The following CSMD1 variants were observed in gnomAD, a reference collection of about 807,000 sequenced individuals.
CSMD1 encodes the protein CUB and sushi domain-containing protein 1.
In CSMD1, 213 loss-of-function variants were observed where a neutral mutation model predicts 417.5. The ratio of observed to expected loss-of-function variants is 0.51; its 90% CI spans 0.46 to 0.57. CSMD1 has a LOEUF of 0.57. Among genes scored for constraint, CSMD1 ranks in the 20% least tolerant of loss-of-function variants. CSMD1 has a pLI of 0.00. For synonymous variants in CSMD1, 2,862 were observed against 1,736.8 expected (o/e 1.65, Z -16.11); for missense variants, 6,923 against 4,529.7 (o/e 1.53, Z -15.17).
At chr8:3,652,065 C>G (rs544949866) in intron 7 of CSMD1, among the ~76,000 whole-genome samples, 21 of 150,980 alleles carry the variant, frequency 1.4e-4, no homozygotes, top group African/African-American at 4.9e-4. Context: ...ATCGCACTTA[C>G]CCCCATCAGA....
At chr8:4,208,116 A>C (rs1456980257) in intron 3 of CSMD1, among the ~76,000 whole-genome samples, 1 of 152,124 alleles carries the variant, frequency 6.6e-6, no homozygotes, top group Non-Finnish European at 1.5e-5. Flanking sequence ...GCAATTTCAT[A>C]CACATGATGA....
chr8:4,232,777 C>T (rs572636147), intron 3 of CSMD1, among the ~76,000 whole-genome samples: 4 of 152,102 alleles, frequency 2.6e-5, no homozygotes, highest in Non-Finnish European at 5.9e-5. Flanking sequence ...CCCTAATTGA[C>T]GTTTGGAAAT....
At chr8:4,577,706 C>T (rs1387322329) in intron 2 of CSMD1, among the ~76,000 whole-genome samples, 3 of 152,128 alleles carry the variant, frequency 2.0e-5, no homozygotes, top group African/African-American at 4.8e-5. Context: ...TTCAAAGTGC[C>T]CTTGCACCCT....
At chr8:4,266,491 T>A (rs113333160) in intron 3 of CSMD1, among the ~76,000 whole-genome samples, 2,794 of 104,850 alleles carry the variant, frequency 0.027, 707 homozygotes, top group Middle Eastern at 0.057. Context: ...TATAACTCTG[T>A]CAAAGTATTC....
intron 2 of CSMD1, among the ~76,000 whole-genome samples, chr8:4,502,633 C>A (rs1802316607): frequency 6.6e-6 from 1 of 152,138 alleles, no homozygotes; most frequent in African/African-American, 2.4e-5. Flanking sequence ...TGAAATCTCG[C>A]ATTTACTTTT....
chr8:4,519,502 G>C (rs1312307579), intron 2 of CSMD1, among the ~76,000 whole-genome samples: 1 of 151,828 alleles, frequency 6.6e-6, no homozygotes, highest in Non-Finnish European at 1.5e-5. Flanking sequence ...CACTTTGGGA[G>C]GCCAAGCAGG....
chr8:3,322,726 T>A (rs1264752272), intron 23 of CSMD1, among the ~76,000 whole-genome samples: 2 of 152,192 alleles, frequency 1.3e-5, no homozygotes, highest in East Asian at 3.9e-4. Flanking sequence ...TGGGGCAAGG[T>A]TGCCCATCCA....
At chr8:4,033,954 G>C (rs1370764907) in intron 3 of CSMD1, among the ~76,000 whole-genome samples, 1 of 152,116 alleles carries the variant, frequency 6.6e-6, no homozygotes, top group Non-Finnish European at 1.5e-5. Flanking sequence ...TAAATTAGCT[G>C]CTATTTAGTA....
chr8:3,728,956 G>A (rs892355472), intron 6 of CSMD1, among the ~76,000 whole-genome samples: 2 of 152,164 alleles, frequency 1.3e-5, no homozygotes, highest in Admixed American at 6.5e-5. Flanking sequence ...AATGAGTGCC[G>A]TTCGAATATC....
intron 2 of CSMD1, among the ~76,000 whole-genome samples, chr8:4,445,135 C>A (rs923881624): frequency 6.6e-6 from 1 of 152,104 alleles, no homozygotes; most frequent in Admixed American, 6.5e-5. Flanking sequence ...AGATACAGTG[C>A]TGTTTTAAGA....
At chr8:4,788,128 G>C (rs1340050337) in intron 1 of CSMD1, 6 of 1,602,874 alleles carry the variant, frequency 3.7e-6, no homozygotes, top group Non-Finnish European at 5.1e-6. Context: ...GTGTTGATGG[G>C]CTCTACTTCT....
At chr8:4,341,432 A>G (rs961559165) in intron 3 of CSMD1, among the ~76,000 whole-genome samples, 3 of 152,154 alleles carry the variant, frequency 2.0e-5, no homozygotes, top group African/African-American at 2.4e-5. Flanking sequence ...ATGTTTGAAG[A>G]TAAGTTTACC....
chr8:2,963,131 G>C, intron 60 of CSMD1, 91 bp downstream of exon 60: 1 of 1,367,322 alleles, frequency 7.3e-7, no homozygotes, highest in Non-Finnish European at 1.0e-6. Flanking sequence ...CACCAGGAAG[G>C]TCCTCAGATT....
At chr8:3,472,560 G>A (rs558104172) in intron 11 of CSMD1, among the ~76,000 whole-genome samples, 5 of 151,892 alleles carry the variant, frequency 3.3e-5, no homozygotes, top group Admixed American at 2.0e-4. Context: ...CAAGAAAGAT[G>A]ATGAAGAACT....
intron 5 of CSMD1, among the ~76,000 whole-genome samples, chr8:3,972,578 C>T (rs900539499): frequency 6.6e-6 from 1 of 152,150 alleles, no homozygotes; most frequent in African/African-American, 2.4e-5. Context: ...TTATGCTATT[C>T]ATCTTTATAA....
chr8:3,985,291 C>T (rs547061888), intron 5 of CSMD1, among the ~76,000 whole-genome samples: 5 of 152,162 alleles, frequency 3.3e-5, no homozygotes, highest in African/African-American at 4.8e-5. Context: ...AGCACATTTG[C>T]AGATAATAAA....
chr8:4,290,763 T>A (rs1034068072), intron 3 of CSMD1, among the ~76,000 whole-genome samples: 2 of 152,230 alleles, frequency 1.3e-5, no homozygotes, highest in Non-Finnish European at 2.9e-5. Flanking sequence ...TTAGGATTTC[T>A]ATTCTGTAAG....
At chr8:3,024,219 C>G (rs1219245283) in intron 51 of CSMD1, among the ~76,000 whole-genome samples, 2 of 145,040 alleles carry the variant, frequency 1.4e-5, no homozygotes, top group Non-Finnish European at 1.5e-5. Flanking sequence ...AAATGTGTTA[C>G]AGAAAAAATG....
chr8:4,373,740 C>G (rs192491083), intron 3 of CSMD1, among the ~76,000 whole-genome samples: 1 of 152,200 alleles, frequency 6.6e-6, no homozygotes, highest in Admixed American at 6.5e-5. Flanking sequence ...GGAAGGAACA[C>G]TGTGCCATCT....
Sources: allele counts gnomAD v4.1 joint callset (sites outside exome capture counted in the v4.1 genomes callset), GRCh38; gene constraint gnomAD v4.1.1; transcripts MANE v1.5; gene names NCBI Gene and HGNC (gene_info 2026-07-23, HGNC 2026-07-21).